TEX264: variants seen among roughly 807,000 people sequenced by gnomAD.
The protein encoded by TEX264 is testis-expressed protein 264.
A neutral mutation model predicts 23.4 loss-of-function variants in TEX264; 13 were observed. The ratio of observed to expected loss-of-function variants is 0.56; its 90% CI spans 0.36 to 0.88. The LOEUF (loss-of-function observed/expected upper bound fraction) is 0.88. Among genes scored for constraint, TEX264 ranks in the 40% least tolerant of loss-of-function variants. The probability of loss-of-function intolerance (pLI) is 0.01; values close to 1 mark genes in which losing one functional copy is unlikely to be tolerated. For missense variants in TEX264, 340 were observed against 406.8 expected (o/e 0.84, Z 1.41); for synonymous variants, 159 against 170.0 (o/e 0.94, Z 0.50).
Position 51,674,330 on chromosome 3 carries a change from T to C in TEX264, c.26T>C (p.Leu9Pro). Residue 9 changes from leucine (L) to proline (P), a missense_variant, in exon 2 of 5, where the codon CTG (leucine) becomes CCG (proline). Physicochemically the swap from Leu to Pro is moderately conservative, Grantham distance 98. Coordinates refer to ENST00000341333, the MANE Select transcript of TEX264 (RefSeq NM_015926.6). Reference protein sequence around the residue: MSDLLLLGLIGGLTLLLLL... With the variant: MSDLLLLGPIGGLTLLLLL... ...ATGTCGGACCTGCTACTACTGGGCC[T>C]GATTGGGGGCCTGACTCTCTTACTG... 4 of 1,614,210 alleles carry C rather than the reference T, an allele frequency of 2.5e-6. No homozygotes were observed. Among genetic ancestry groups the C allele is most frequent in the Non-Finnish European group, 3.4e-6 (4 of 1,180,034 alleles).
intron 3 of TEX264, among the ~76,000 whole-genome samples, chr3:51,694,077 T>TTCCTTCCG (rs1553697565): frequency 9.2e-6 from 1 of 108,168 alleles, no homozygotes; most frequent in South Asian, 3.6e-4. Flanking sequence ...TTCCCCTTCC[T>TTCCTTCCG]TCCGTCCGTC....
intron 3 of TEX264, among the ~76,000 whole-genome samples, chr3:51,684,934 C>T (rs767262566): frequency 1.3e-5 from 2 of 152,256 alleles, no homozygotes; most frequent in African/African-American, 2.4e-5. Context: ...GCTTATCCCA[C>T]ACTCCTGGCT....
chr3:51,693,603 CCAAGTAGCTGGGACTA>C (rs925035868), intron 3 of TEX264, among the ~76,000 whole-genome samples: 2 of 151,938 alleles, frequency 1.3e-5, no homozygotes, highest in Non-Finnish European at 2.9e-5. Flanking sequence ...CCTCAGCCTC[CCAAGTAGCTGGGACTA>C]CAAGCATCCG....
rs369013696 is a variant in TEX264 at position 51,703,851 on chromosome 3, C to T, written c.777C>T (p.Ser259=). Residue 259 remains serine (S), a synonymous_variant, in exon 5 of 5, where the codon AGC becomes AGT. Transcript: ENST00000341333. The surrounding 1 kb of genome is among the most constrained non-coding windows in gnomAD (Gnocchi z 4.8). ...SRGWDDGDTR[S]EHSYSESGAS... ...GCTGGGATGACGGTGACACCCGCAG[C>T]GAGCACAGCTACAGCGAGTCAGGTG... is the stretch of plus-strand genomic sequence containing the variant. 255 of 1,612,792 alleles carry T rather than the reference C, an allele frequency of 1.6e-4. No individual in the cohort carries two copies. Among genetic ancestry groups the T allele is most frequent in the Middle Eastern group, 1.6e-4 (1 of 6,076 alleles).
intron 3 of TEX264, among the ~76,000 whole-genome samples, chr3:51,694,085 G>A (rs28557153): frequency 3.5e-5 from 3 of 85,256 alleles, no homozygotes; most frequent in Non-Finnish European, 7.1e-5. Flanking sequence ...CCTTCCGTCC[G>A]TCCTTCCTTC....
chr3:51,673,013 G>A (rs1040026137), intron 1 of TEX264, among the ~76,000 whole-genome samples: 1 of 152,174 alleles, frequency 6.6e-6, no homozygotes, highest in Non-Finnish European at 1.5e-5. Flanking sequence ...GACACCGAAA[G>A]TTTAGAAATT....
intron 4 of TEX264, among the ~76,000 whole-genome samples, chr3:51,702,543 C>T (rs1703349639): frequency 6.6e-6 from 1 of 152,214 alleles, no homozygotes. Flanking sequence ...AAGGAAAGCC[C>T]CAGGCTGAGT....
chr3:51,674,604 G>C (rs1702170956), intron 2 of TEX264, 42 bp downstream of exon 2: 1 of 1,600,860 alleles, frequency 6.2e-7, no homozygotes, highest in East Asian at 2.2e-5. Flanking sequence ...GATGGGCCTG[G>C]TGGGCCAGGG....
chr3:51,678,781 C>T (rs778485755), intron 2 of TEX264, among the ~76,000 whole-genome samples: 29 of 152,260 alleles, frequency 1.9e-4, no homozygotes, highest in Admixed American at 9.1e-4. Flanking sequence ...CACACTCCCT[C>T]CTCCCTCAGT....
Position 51,684,596 on chromosome 3 carries a change from AC to A in TEX264, c.445del (p.Arg149AlafsTer47). ...CACCATTCTGTCCATCTGGCTGGCT[AC>A]CCGCCGTGTCCATCCTGCCTTGGAC... ...YTTILSIWLA[T>X]RRVHPALDTY... On this transcript the variant is annotated frameshift_variant, in exon 3 of 5. Transcript: ENST00000341333. LOFTEE classifies it high-confidence loss of function. 3.1e-6 allele frequency: 5 copies of A among 1,613,284 alleles called. No individual in the cohort carries two copies. Among genetic ancestry groups the A allele is most frequent in the Non-Finnish European group, 4.2e-6 (5 of 1,179,788 alleles).
At chr3:51,682,292 G>A (rs1156574694) in intron 2 of TEX264, 1 of 152,172 alleles carries the variant, frequency 6.6e-6, no homozygotes, top group Non-Finnish European at 1.5e-5. Context: ...GACAAGAGAT[G>A]GTATTGCAGT....
chr3:51,684,762 C>T (rs1425403523), intron 3 of TEX264, 128 bp downstream of exon 3: 4 of 839,498 alleles, frequency 4.8e-6, no homozygotes, highest in Non-Finnish European at 7.5e-6. Flanking sequence ...CCTCATGGAA[C>T]AGGTACCTGT....
chr3:51,687,468 A>G (rs943606834), intron 3 of TEX264, among the ~76,000 whole-genome samples: 2 of 152,218 alleles, frequency 1.3e-5, no homozygotes, highest in Admixed American at 1.3e-4. Context: ...CCCTGAGGTC[A>G]GAGAAAGGAG....
chr3:51,672,777 C>T (rs1271490398), intron 1 of TEX264, among the ~76,000 whole-genome samples: 2 of 152,194 alleles, frequency 1.3e-5, no homozygotes, highest in Non-Finnish European at 2.9e-5. Context: ...TTTAGCCTTA[C>T]CTACCTCTTT....
chr3:51,673,450 G>T (rs1267091953), intron 1 of TEX264, among the ~76,000 whole-genome samples: 3 of 152,090 alleles, frequency 2.0e-5, no homozygotes. Flanking sequence ...TTCCTCTTAG[G>T]GATAATTGTT....
At chr3:51,700,206 G>A (rs1470058274) in intron 4 of TEX264, among the ~76,000 whole-genome samples, 1 of 152,144 alleles carries the variant, frequency 6.6e-6, no homozygotes, top group Non-Finnish European at 1.5e-5. Context: ...TGTGACCCCG[G>A]GCTGTCTCAG....
intron 3 of TEX264, among the ~76,000 whole-genome samples, chr3:51,697,980 T>C (rs974725251): frequency 4.6e-5 from 7 of 152,204 alleles, no homozygotes; most frequent in Admixed American, 1.3e-4. Context: ...TGTTCTACTT[T>C]GCTGTTGAGC....
rs772014792 is a variant in TEX264, at chr3:51,703,649, G to C, written c.650-75G>C. 228 of 1,472,520 alleles carry C rather than the reference G, an allele frequency of 1.5e-4. 1 individual carries two copies. The highest frequency in any genetic ancestry group is 1.9e-4 in the Non-Finnish European group (204 of 1,088,206). The allele number at this position is 1,472,520 out of a possible 1,614,324, so 91.2% of individuals were successfully genotyped here. A position where few individuals can be genotyped will look rare whatever the true frequency, so the allele number is the denominator to read the frequency against. On this transcript the variant is annotated intron_variant, in intron 4 of 4. Coordinates refer to ENST00000341333, the MANE Select transcript of TEX264 (RefSeq NM_015926.6). The surrounding 1 kb of genome is among the most constrained non-coding windows in gnomAD (Gnocchi z 4.8). ...GCTGCATTATTCATGAGTGCACTGC[G>C]TGCTGAGTTGCCTCTCCCTGGAGGA...
chr3:51,685,198 C>CT (rs1702575913), intron 3 of TEX264, among the ~76,000 whole-genome samples: 1 of 152,244 alleles, frequency 6.6e-6, no homozygotes, highest in Admixed American at 6.5e-5. Flanking sequence ...AGCCAGTCAC[C>CT]TGGTCATCTG....
Sources: allele counts gnomAD v4.1 joint callset (sites outside exome capture counted in the v4.1 genomes callset), GRCh38; gene constraint gnomAD v4.1.1; non-coding constraint Gnocchi (gnomAD v3.1); transcripts MANE v1.5; gene names NCBI Gene and HGNC (gene_info 2026-07-23, HGNC 2026-07-21).